The following RIN3 variants were observed in gnomAD, a reference collection of about 807,000 sequenced individuals.
RIN3 encodes the protein RAB5 interacting protein 3.
A neutral mutation model predicts 76.3 loss-of-function variants in RIN3; 54 were observed. The ratio of observed to expected loss-of-function variants is 0.71; its 90% CI spans 0.57 to 0.89. The LOEUF is 0.89. Among genes scored for constraint, RIN3 ranks in the 40% least tolerant of loss-of-function variants. The pLI is 0.00. For missense variants in RIN3, 1,256 were observed against 1,322.1 expected (o/e 0.95, Z 0.78); for synonymous variants, 576 against 564.0 (o/e 1.02, Z -0.30).
chr14:92,532,138 G>A (rs1896897583), intron 1 of RIN3, among the ~76,000 whole-genome samples: 1 of 151,856 alleles, frequency 6.6e-6, no homozygotes, highest in Non-Finnish European at 1.5e-5. Flanking sequence ...CATGTTGGCC[G>A]GGCTATTCTT....
chr14:92,550,597 T>C (rs895156328), intron 1 of RIN3, among the ~76,000 whole-genome samples: 1 of 152,176 alleles, frequency 6.6e-6, no homozygotes, highest in Non-Finnish European at 1.5e-5. Context: ...TCGAAAGTTT[T>C]TTGTAGAGAT....
In RIN3 at chr14:92,565,057, TGGCCCC is replaced by T. The variant is rs1185639338; in HGVS notation, c.249+9106_249+9111del. ...TGAGTGTCCTGGAGGTGGACAAAGG[TGGCCCC>T]GGCACTGGCACTTGTCTCCCTGTGT... On this transcript the variant is annotated intron_variant, in intron 2 of 9. Coordinates refer to ENST00000216487, the MANE Select transcript of RIN3 (RefSeq NM_024832.5). Among the ~76,000 whole-genome samples the T allele has an allele frequency of 1.2e-4, 18 of 152,284 alleles. No homozygotes were observed. The East Asian group carries it at 3.3e-3, about 28-fold the overall frequency.
intron 6 of RIN3, among the ~76,000 whole-genome samples, chr14:92,658,022 A>G (rs1490403417): frequency 6.6e-6 from 1 of 152,184 alleles, no homozygotes; most frequent in Admixed American, 6.5e-5. Context: ...GAGACAGAGG[A>G]GGGCCAAAAC....
intron 3 of RIN3, among the ~76,000 whole-genome samples, chr14:92,597,212 T>C (rs1293091713): frequency 2.0e-5 from 3 of 152,250 alleles, no homozygotes; most frequent in Admixed American, 1.3e-4. Context: ...TGTGTCTTTT[T>C]TTGGCTGTAT....
At chr14:92,680,634 G>A (rs1398696706) in intron 8 of RIN3, among the ~76,000 whole-genome samples, 1 of 152,186 alleles carries the variant, frequency 6.6e-6, no homozygotes, top group African/African-American at 2.4e-5. Context: ...TGGGGGTAGG[G>A]GGACCCGAAC....
At chr14:92,569,024 G>A (rs1897990869) in intron 2 of RIN3, among the ~76,000 whole-genome samples, 1 of 152,242 alleles carries the variant, frequency 6.6e-6, no homozygotes, top group South Asian at 2.1e-4. Flanking sequence ...CAGTCCTGGT[G>A]CCTGTAAGGC....
rs77160844 is a variant in RIN3, at chr14:92,533,152, C to T, written c.44+19176C>T. ...GAAAACAAATCCCACAAATAACACACGAATTCACATATACACTGAAAAGAT... is the reference window on the plus strand; with the variant it reads ...GAAAACAAATCCCACAAATAACACATGAATTCACATATACACTGAAAAGAT... On this transcript the variant is annotated intron_variant, in intron 1 of 9. Transcript: ENST00000216487. 3.4e-4 allele frequency among the ~76,000 whole-genome samples: 52 copies of T among 152,298 alleles called. No homozygotes were observed. In the East Asian group the frequency reaches 7.7e-3, roughly 23 times the overall value.
intron 1 of RIN3, among the ~76,000 whole-genome samples, chr14:92,515,821 A>T (rs1296157194): frequency 6.6e-6 from 1 of 152,228 alleles, no homozygotes; most frequent in African/African-American, 2.4e-5. Context: ...ACATTCTAGC[A>T]CTGTATGAAT....
chr14:92,653,743 C>G (rs758485319), intron 6 of RIN3, among the ~76,000 whole-genome samples: 1 of 152,224 alleles, frequency 6.6e-6, no homozygotes, highest in East Asian at 1.9e-4. Flanking sequence ...TCAGGCCAGG[C>G]GCACTGGCTC....
chr14:92,624,933 T>G (rs559792921), intron 4 of RIN3, among the ~76,000 whole-genome samples: 45 of 152,186 alleles, frequency 3.0e-4, no homozygotes, highest in African/African-American at 1.1e-3. Flanking sequence ...GCACTAGATA[T>G]GGTCCCTCCC....
At chr14:92,629,209 G>A (rs1886473195) in intron 4 of RIN3, among the ~76,000 whole-genome samples, 1 of 152,206 alleles carries the variant, frequency 6.6e-6, no homozygotes, top group Non-Finnish European at 1.5e-5. Context: ...AAAAGAGAAA[G>A]GAGAAAAAGG....
At chr14:92,665,107 G>T (rs772592286) in intron 7 of RIN3, among the ~76,000 whole-genome samples, 24 of 152,194 alleles carry the variant, frequency 1.6e-4, no homozygotes, top group Admixed American at 4.6e-4. Context: ...AACCTAGATG[G>T]CACAGCCTAC....
At chr14:92,603,992 C>T (rs1304879761) in intron 3 of RIN3, among the ~76,000 whole-genome samples, 2 of 152,260 alleles carry the variant, frequency 1.3e-5, no homozygotes, top group African/African-American at 4.8e-5. Flanking sequence ...CCTTTCTCCA[C>T]CTCAGCCACA....
At chr14:92,549,732 T>C (rs1041803183) in intron 1 of RIN3, among the ~76,000 whole-genome samples, 1 of 152,204 alleles carries the variant, frequency 6.6e-6, no homozygotes, top group Non-Finnish European at 1.5e-5. Flanking sequence ...CTGCTGGCAC[T>C]GCGTCTGGCA....
intron 7 of RIN3, among the ~76,000 whole-genome samples, chr14:92,663,573 C>T (rs1887964915): frequency 6.6e-6 from 1 of 152,186 alleles, no homozygotes; most frequent in Non-Finnish European, 1.5e-5. Flanking sequence ...AAGAATGTTT[C>T]CCTCCCACCA....
intron 3 of RIN3, among the ~76,000 whole-genome samples, chr14:92,606,772 G>T (rs969495728): frequency 6.6e-6 from 1 of 152,194 alleles, no homozygotes; most frequent in African/African-American, 2.4e-5. Context: ...GTTGACAAGG[G>T]CATGGAGAAA....
chr14:92,533,411 C>T (rs533744611), intron 1 of RIN3, among the ~76,000 whole-genome samples: 8 of 152,298 alleles, frequency 5.3e-5, no homozygotes, highest in African/African-American at 1.2e-4. Context: ...TACTTGCACA[C>T]GCATGTTTAT....
chr14:92,525,164 C>G (rs927368588), intron 1 of RIN3, among the ~76,000 whole-genome samples: 2 of 152,108 alleles, frequency 1.3e-5, no homozygotes, highest in Non-Finnish European at 2.9e-5. Flanking sequence ...TGGCCTGCAC[C>G]CATGGGCAGC....
At chr14:92,591,225 T>C (rs1884966348) in intron 3 of RIN3, among the ~76,000 whole-genome samples, 1 of 152,110 alleles carries the variant, frequency 6.6e-6, no homozygotes, top group African/African-American at 2.4e-5. Context: ...TAATAGACTG[T>C]ACATGGCTGA....
Sources: gnomAD v4.1 joint callset for allele counts (sites outside exome capture counted in the v4.1 genomes callset) on GRCh38, gnomAD v4.1.1 for gene constraint, MANE v1.5 for transcripts, NCBI Gene and HGNC (gene_info 2026-07-23, HGNC 2026-07-21) for gene names.